Variants in ANKS1B observed in about 807,000 individuals in gnomAD.
ANKS1B encodes the protein ankyrin repeat and sterile alpha motif domain-containing protein 1B.
Under a neutral mutation model 148.3 loss-of-function variants are expected in ANKS1B, and 36 were observed. The ratio of observed to expected loss-of-function variants is 0.24; its 90% CI spans 0.19 to 0.32. ANKS1B has a LOEUF of 0.32. Among genes scored for constraint, ANKS1B ranks in the 10% least tolerant of loss-of-function variants. The pLI is 1.00. For synonymous variants in ANKS1B, 542 were observed against 560.8 expected, an observed-to-expected ratio of 0.97 and a Z score of 0.47; for missense variants, 1,157 against 1,542.6, an observed-to-expected ratio of 0.75 and a Z score of 4.19.
Position 99,830,198 on chromosome 12 carries a change from C to T in ANKS1B, c.135-4809G>A, listed in dbSNP as rs868863773. The stretch of plus-strand genomic sequence containing the variant: ...AATAATGAATAAGATATCATCTCTT[C>T]CTCCAAAGAGCTGACAATCTAATAG... On this transcript the variant is annotated intron_variant, in intron 1 of 26. Transcript: ENST00000683438. Among the ~76,000 whole-genome samples the T allele has an allele frequency of 2.6e-5, 4 of 152,132 alleles. No homozygotes were observed. The South Asian group carries it at 8.3e-4, about 32-fold the overall frequency.
chr12:99,383,309 G>A (rs1413161199), intron 12 of ANKS1B, among the ~76,000 whole-genome samples: 1 of 152,130 alleles, frequency 6.6e-6, no homozygotes, highest in Non-Finnish European at 1.5e-5. Flanking sequence ...TTTCAGACCC[G>A]ATTTACCCTG....
intron 17 of ANKS1B, among the ~76,000 whole-genome samples, chr12:98,833,414 T>C (rs1212472693): frequency 1.3e-5 from 2 of 152,186 alleles, no homozygotes; most frequent in Non-Finnish European, 2.9e-5. Flanking sequence ...TTCATAAAAA[T>C]GTGTTTACCT....
chr12:99,229,405 A>AT (rs1488976854), intron 14 of ANKS1B, among the ~76,000 whole-genome samples: 7 of 151,798 alleles, frequency 4.6e-5, no homozygotes, highest in Non-Finnish European at 7.4e-5. Context: ...TTATATGTGC[A>AT]TTTTTTGCTC....
intron 12 of ANKS1B, among the ~76,000 whole-genome samples, chr12:99,305,021 G>A (rs2082160386): frequency 6.6e-6 from 1 of 152,104 alleles, no homozygotes; most frequent in South Asian, 2.1e-4. Flanking sequence ...TTTGCTTCCA[G>A]TGAGGCCTCA....
intron 3 of ANKS1B, among the ~76,000 whole-genome samples, chr12:99,809,898 T>C (rs2068114024): frequency 6.6e-6 from 1 of 152,098 alleles, no homozygotes; most frequent in Non-Finnish European, 1.5e-5. Context: ...AAACACTGGC[T>C]GCATTTCTTA....
chr12:99,802,870 C>T (rs1030203731), intron 4 of ANKS1B, among the ~76,000 whole-genome samples: 51 of 150,534 alleles, frequency 3.4e-4, no homozygotes, highest in African/African-American at 1.2e-3. Flanking sequence ...CATGATTGCA[C>T]CACTGCCCTC....
intron 9 of ANKS1B, among the ~76,000 whole-genome samples, chr12:99,588,828 T>C (rs2097670296): frequency 6.6e-6 from 1 of 152,230 alleles, no homozygotes; most frequent in South Asian, 2.1e-4. Context: ...CCATGATAAC[T>C]GCCACATCCA....
At chr12:99,357,193 AT>A (rs1266002769) in intron 12 of ANKS1B, among the ~76,000 whole-genome samples, 1 of 152,110 alleles carries the variant, frequency 6.6e-6, no homozygotes, top group Middle Eastern at 3.2e-3. Flanking sequence ...AGCTTTATTC[AT>A]TTAACATTAT....
At chr12:98,991,559 A>G (rs987091130) in intron 17 of ANKS1B, among the ~76,000 whole-genome samples, 1 of 152,220 alleles carries the variant, frequency 6.6e-6, no homozygotes, top group Non-Finnish European at 1.5e-5. Context: ...CGACCTGAAC[A>G]TCAATTAACA....
chr12:99,418,632 AT>A (rs1278343649), intron 11 of ANKS1B, among the ~76,000 whole-genome samples: 1 of 151,848 alleles, frequency 6.6e-6, no homozygotes, highest in Non-Finnish European at 1.5e-5. Flanking sequence ...TATGCCTTTT[AT>A]TTTTTTGTTT....
At chr12:99,607,515 G>A (rs374854389) in intron 9 of ANKS1B, among the ~76,000 whole-genome samples, 1 of 151,806 alleles carries the variant, frequency 6.6e-6, no homozygotes, top group Non-Finnish European at 1.5e-5. Flanking sequence ...GCAAACACAG[G>A]CAAAAATGTC....
intron 11 of ANKS1B, 68 bp downstream of exon 11, chr12:99,443,605 G>A: frequency 2.0e-6 from 3 of 1,516,128 alleles, no homozygotes; most frequent in Non-Finnish European, 2.7e-6. Flanking sequence ...TGCAATATAA[G>A]TGATGTACAT....
At chr12:99,556,697 T>A (rs2153185984) in intron 9 of ANKS1B, among the ~76,000 whole-genome samples, 1 of 152,338 alleles carries the variant, frequency 6.6e-6, no homozygotes, top group African/African-American at 2.4e-5. Context: ...AATTTCACTG[T>A]TTACCCAAAT....
In ANKS1B at chr12:99,372,410, C is replaced by T. The variant is rs1593319094; in HGVS notation, c.1756+27221G>A. ...GAAACCACTTAGGGTTCTTATCATG[C>T]TGTGTTTCTTATGATTCGTTTGTAA... On this transcript the variant is annotated intron_variant, in intron 12 of 26. Coordinates refer to ENST00000683438, the MANE Select transcript of ANKS1B (RefSeq NM_001352186.2). 3.3e-5 allele frequency among the ~76,000 whole-genome samples: 5 copies of T among 152,128 alleles called. No individual in the cohort carries two copies. In the East Asian group the frequency reaches 5.8e-4, roughly 18 times the overall value.
intron 9 of ANKS1B, among the ~76,000 whole-genome samples, chr12:99,606,660 C>T (rs918355113): frequency 6.6e-6 from 1 of 151,938 alleles, no homozygotes; most frequent in African/African-American, 2.4e-5. Context: ...TAATGAGTAT[C>T]TCTATTACTT....
intron 8 of ANKS1B, among the ~76,000 whole-genome samples, chr12:99,669,852 G>T (rs1268664722): frequency 6.6e-6 from 1 of 152,074 alleles, no homozygotes; most frequent in African/African-American, 2.4e-5. Context: ...AGGATTACTT[G>T]ACCCTGTTTC....
intron 1 of ANKS1B, among the ~76,000 whole-genome samples, chr12:99,934,994 T>G (rs192640489): frequency 1.7e-4 from 26 of 152,288 alleles, no homozygotes; most frequent in African/African-American, 5.5e-4. Flanking sequence ...TATATACTAT[T>G]TCCCACTGTT....
At chr12:98,874,243 A>G (rs1389397365) in intron 17 of ANKS1B, among the ~76,000 whole-genome samples, 1 of 152,180 alleles carries the variant, frequency 6.6e-6, no homozygotes, top group Non-Finnish European at 1.5e-5. Flanking sequence ...AGCAATAACA[A>G]TCTGTTAACA....
chr12:99,778,025 C>G (rs1016218885), intron 6 of ANKS1B, among the ~76,000 whole-genome samples: 1 of 151,656 alleles, frequency 6.6e-6, no homozygotes, highest in Non-Finnish European at 1.5e-5. Flanking sequence ...CGTGAAACTC[C>G]GTCTCTACTA....
Sources: gnomAD v4.1 joint callset for allele counts (sites outside exome capture counted in the v4.1 genomes callset) on GRCh38, gnomAD v4.1.1 for gene constraint, MANE v1.5 for transcripts, NCBI Gene and HGNC (gene_info 2026-07-23, HGNC 2026-07-21) for gene names.